ADA: variants seen among roughly 807,000 people sequenced by gnomAD.
The protein encoded by ADA is adenosine deaminase, also known as adenosine aminohydrolase.
A neutral mutation model predicts 49.0 loss-of-function variants in ADA; 45 were observed. That is an observed-to-expected ratio of 0.92 (90% CI 0.72 to 1.18). The LOEUF (loss-of-function observed/expected upper bound fraction) is 1.18. Among genes scored for constraint, ADA ranks in the 50% most tolerant of loss-of-function variants. The pLI is 0.00. For synonymous variants in ADA, 173 were observed against 184.2 expected (o/e 0.94, Z 0.49); for missense variants, 445 against 472.5 (o/e 0.94, Z 0.54).
At chr20:44,650,634 T>C (rs2145365405) in intron 1 of ADA, among the ~76,000 whole-genome samples, 1 of 152,006 alleles carries the variant, frequency 6.6e-6, no homozygotes, top group African/African-American at 2.4e-5. Context: ...GGGTCTAGTT[T>C]TGTTGTCCAG....
At position 44,651,161 on chromosome 20, in the gene ADA, C is replaced by A. The variant is rs1014006842; in HGVS notation, c.33+414G>T. On this transcript the variant is annotated intron_variant, in intron 1 of 11. Transcript: ENST00000372874. ...ACCACCATAACGCTGGCGTACAAAG[C>A]TGCTTCCATTCACTGAGCACTCAGT... Among the ~76,000 whole-genome samples the A allele has an allele frequency of 3.9e-5, 6 of 152,340 alleles. No individual in the cohort carries two copies. In the South Asian group the frequency reaches 1.2e-3, roughly 32 times the overall value.
Position 44,620,969 on chromosome 20 carries a change from C to G in ADA, c.975+49G>C, listed in dbSNP as rs369024595. 17 of 1,612,282 alleles carry G rather than the reference C, an allele frequency of 1.1e-5. No individual in the cohort carries two copies. The Admixed American group carries it at 1.2e-4, about 11-fold the overall frequency. ...AGGCCCCGGACTGGACCTGTAGATA[C>G]CATACTCCCAAACCCGAGTCAAGGC... On this transcript the variant is annotated intron_variant, in intron 10 of 11. Coordinates refer to ENST00000372874, the MANE Select transcript of ADA (RefSeq NM_000022.4).
intron 2 of ADA, among the ~76,000 whole-genome samples, chr20:44,634,695 G>T (rs1250680747): frequency 3.3e-5 from 5 of 152,268 alleles, no homozygotes; most frequent in Non-Finnish European, 1.5e-5. Context: ...TCCTGGGGCA[G>T]AAGAAGGTCC....
intron 1 of ADA, among the ~76,000 whole-genome samples, chr20:44,644,791 G>A (rs1011173171): frequency 6.6e-6 from 1 of 152,226 alleles, no homozygotes; most frequent in African/African-American, 2.4e-5. Context: ...GGAAGGGACT[G>A]AGCAGTCCCC....
intron 5 of ADA, 116 bp downstream of exon 5, chr20:44,625,453 G>A: frequency 1.1e-6 from 1 of 945,290 alleles, no homozygotes; most frequent in Admixed American, 2.0e-5. Flanking sequence ...TGGGCTCAAG[G>A]GGACACCATG....
At chr20:44,651,292 C>G (rs1474903801) in intron 1 of ADA, among the ~76,000 whole-genome samples, 1 of 152,228 alleles carries the variant, frequency 6.6e-6, no homozygotes, top group Non-Finnish European at 1.5e-5. Flanking sequence ...ACACAGCGCT[C>G]AGCGGTGCTA....
chr20:44,627,340 C>G (rs1487792373), intron 3 of ADA, among the ~76,000 whole-genome samples: 1 of 152,148 alleles, frequency 6.6e-6, no homozygotes, highest in African/African-American at 2.4e-5. Context: ...TGCCACCACG[C>G]CCGGCTAATT....
chr20:44,623,482 A>G (rs1018614594), intron 6 of ADA, among the ~76,000 whole-genome samples: 11 of 152,186 alleles, frequency 7.2e-5, no homozygotes, highest in African/African-American at 2.7e-4. Context: ...CCCATTCATC[A>G]TCACGCTGGA....
intron 1 of ADA, among the ~76,000 whole-genome samples, chr20:44,642,245 G>T (rs2065542805): frequency 6.6e-6 from 1 of 152,118 alleles, no homozygotes; most frequent in Admixed American, 6.6e-5. Context: ...GGTCAACCTG[G>T]GTCTCTGCAG....
intron 1 of ADA, among the ~76,000 whole-genome samples, chr20:44,637,113 A>AT: frequency 6.6e-6 from 1 of 152,042 alleles, no homozygotes; most frequent in East Asian, 1.9e-4. Flanking sequence ...CCCAGGCTCC[A>AT]TTTTCAAAAG....
chr20:44,643,309 C>T (rs551230581), intron 1 of ADA, among the ~76,000 whole-genome samples: 9 of 152,276 alleles, frequency 5.9e-5, no homozygotes, highest in South Asian at 2.1e-4. Flanking sequence ...CAAAGAAGTA[C>T]CCCAAAACAG....
At chr20:44,622,733 CCCT>C (rs1000953688) in intron 8 of ADA, 81 bp from the exon 9 acceptor site, 1 of 1,613,446 alleles carries the variant, frequency 6.2e-7, no homozygotes, top group African/African-American at 1.3e-5. Context: ...CTGGGGCCAC[CCCT>C]CGAGTTCCTG....
chr20:44,639,367 GAGGCA>G (rs1443280233), intron 1 of ADA, among the ~76,000 whole-genome samples: 2 of 152,042 alleles, frequency 1.3e-5, no homozygotes, highest in East Asian at 3.9e-4. Flanking sequence ...GCGGGGGAGG[GAGGCA>G]TGATTGGTTT....
intron 1 of ADA, among the ~76,000 whole-genome samples, chr20:44,641,595 G>A (rs1278437516): frequency 1.3e-5 from 2 of 152,072 alleles, no homozygotes; most frequent in East Asian, 1.9e-4. Context: ...GAAGGTAGGA[G>A]GAAGTCAGAA....
chr20:44,644,665 T>C (rs1484962040), intron 1 of ADA, among the ~76,000 whole-genome samples: 1 of 152,226 alleles, frequency 6.6e-6, no homozygotes, highest in Non-Finnish European at 1.5e-5. Context: ...TGACTTTTAG[T>C]GTGAGGCCAG....
intron 1 of ADA, among the ~76,000 whole-genome samples, chr20:44,638,014 C>T (rs2065496156): frequency 6.6e-6 from 1 of 152,216 alleles, no homozygotes; most frequent in Admixed American, 6.5e-5. Flanking sequence ...TGTTTTCTAT[C>T]CTTAACCCTC....
At chr20:44,633,760 T>C (rs569841505) in intron 2 of ADA, among the ~76,000 whole-genome samples, 1 of 152,166 alleles carries the variant, frequency 6.6e-6, no homozygotes, top group African/African-American at 2.4e-5. Context: ...GAGAAAGAGG[T>C]TGGAGAGGCC....
intron 1 of ADA, among the ~76,000 whole-genome samples, chr20:44,638,763 T>C (rs1305577905): frequency 6.6e-6 from 1 of 151,962 alleles, no homozygotes; most frequent in Non-Finnish European, 1.5e-5. Context: ...GACGACTCCT[T>C]GGGAAGTACG....
intron 5 of ADA, 150 bp from the exon 6 acceptor site, chr20:44,624,479 C>T (rs2065363749): frequency 1.8e-6 from 2 of 1,088,528 alleles, no homozygotes; most frequent in South Asian, 1.3e-5. Context: ...ATGTCCTAAC[C>T]ACATGGCCTG....
Sources: allele counts gnomAD v4.1 joint callset (sites outside exome capture counted in the v4.1 genomes callset), GRCh38; gene constraint gnomAD v4.1.1; transcripts MANE v1.5; gene names NCBI Gene and HGNC (gene_info 2026-07-23, HGNC 2026-07-21).